GNA14: variants seen among roughly 807,000 people sequenced by gnomAD.
GNA14 encodes guanine nucleotide-binding protein subunit alpha-14.
GNA14 carries 50 observed loss-of-function variants against 42.0 expected under a neutral mutation model. The observed-to-expected ratio is 1.19, with a 90% CI of 0.95 to 1.51. The LOEUF is 1.51. GNA14 is among the 40% of genes most tolerant of loss of function. The probability of loss-of-function intolerance (pLI) is 0.00; values close to 1 mark genes in which losing one functional copy is unlikely to be tolerated. For synonymous variants in GNA14, 173 were observed against 163.1 expected (o/e 1.06, Z -0.46); for missense variants, 473 against 446.2 (o/e 1.06, Z -0.54).
At chr9:77,431,026 G>T (rs200353693) in intron 4 of GNA14, among the ~76,000 whole-genome samples, 7 of 46,856 alleles carry the variant, frequency 1.5e-4, no homozygotes, top group Non-Finnish European at 2.1e-4. Context: ...GTATACATTT[G>T]TGTGTGTGTG....
chr9:77,501,021 C>A (rs1156775305), intron 2 of GNA14, among the ~76,000 whole-genome samples: 2 of 151,996 alleles, frequency 1.3e-5, no homozygotes, highest in Non-Finnish European at 2.9e-5. Context: ...GTGGCACAAT[C>A]TTGGCTCACT....
chr9:77,552,098 C>A, intron 1 of GNA14, among the ~76,000 whole-genome samples: 1 of 141,086 alleles, frequency 7.1e-6, no homozygotes, highest in African/African-American at 2.6e-5. Flanking sequence ...CAAGATCAAG[C>A]CTTTGCAGCA....
intron 2 of GNA14, among the ~76,000 whole-genome samples, chr9:77,469,458 C>T (rs1391039329): frequency 6.6e-6 from 1 of 150,470 alleles, no homozygotes; most frequent in East Asian, 1.9e-4. Context: ...TTTGTGTCAC[C>T]CTAAAATTAA....
chr9:77,622,553 A>G (rs563537025), intron 1 of GNA14, among the ~76,000 whole-genome samples: 1 of 150,632 alleles, frequency 6.6e-6, no homozygotes, highest in South Asian at 2.1e-4. Context: ...CGGATCACAG[A>G]GTCAGGAGAT....
chr9:77,616,624 A>T (rs1823822009), intron 1 of GNA14, among the ~76,000 whole-genome samples: 3 of 152,356 alleles, frequency 2.0e-5, no homozygotes, highest in South Asian at 2.1e-4. Context: ...AACTTTGGAA[A>T]CAGCTCTTTC....
At chr9:77,554,838 G>A (rs930464720) in intron 1 of GNA14, among the ~76,000 whole-genome samples, 5 of 152,158 alleles carry the variant, frequency 3.3e-5, no homozygotes, top group African/African-American at 1.2e-4. Flanking sequence ...TCCTGTGCTA[G>A]AATTGCATGT....
At chr9:77,441,596 A>T in intron 2 of GNA14, among the ~76,000 whole-genome samples, 1 of 152,232 alleles carries the variant, frequency 6.6e-6, no homozygotes, top group East Asian at 1.9e-4. Context: ...TTAAGATAAA[A>T]TATATTATTA....
chr9:77,437,099 T>C (rs914258218), intron 2 of GNA14, among the ~76,000 whole-genome samples: 1 of 152,234 alleles, frequency 6.6e-6, no homozygotes, highest in Non-Finnish European at 1.5e-5. Context: ...TAAGTTTCAC[T>C]GTCAAAATCA....
intron 2 of GNA14, among the ~76,000 whole-genome samples, chr9:77,509,673 G>T (rs1837127759): frequency 1.3e-5 from 2 of 152,224 alleles, no homozygotes; most frequent in Admixed American, 1.3e-4. Flanking sequence ...AGGATGTGCA[G>T]AGAGTGGTGA....
At chr9:77,577,870 C>T (rs1440636220) in intron 1 of GNA14, among the ~76,000 whole-genome samples, 1 of 152,050 alleles carries the variant, frequency 6.6e-6, no homozygotes, top group Non-Finnish European at 1.5e-5. Context: ...CCTATCTCAC[C>T]ATTTAAGAGT....
intron 2 of GNA14, among the ~76,000 whole-genome samples, chr9:77,507,270 C>T (rs1026320376): frequency 1.3e-5 from 2 of 152,158 alleles, no homozygotes; most frequent in Non-Finnish European, 2.9e-5. Context: ...GAATCTCTTG[C>T]TTCAATATGC....
chr9:77,505,766 T>C (rs1837059234), intron 2 of GNA14, among the ~76,000 whole-genome samples: 2 of 152,222 alleles, frequency 1.3e-5, no homozygotes, highest in Non-Finnish European at 2.9e-5. Context: ...CTTATTTTTA[T>C]ATAAAGCTTT....
At chr9:77,499,358 T>A (rs1836927165) in intron 2 of GNA14, among the ~76,000 whole-genome samples, 1 of 150,930 alleles carries the variant, frequency 6.6e-6, no homozygotes, top group Admixed American at 6.6e-5. Flanking sequence ...TGTTGGTAAA[T>A]CTTTAGTACT....
In GNA14 at chr9:77,547,317, G is replaced by A. The variant is rs146413900; in HGVS notation, c.125-18064C>T. ...AATTATATCTCCAGTGACCTACTTA[G>A]GGGAAAAATATCTTTCCACCAAAAT... is the stretch of plus-strand genomic sequence containing the variant. On this transcript the variant is annotated intron_variant, in intron 1 of 6. Coordinates refer to ENST00000341700, the MANE Select transcript of GNA14 (RefSeq NM_004297.4). 4.6e-5 allele frequency among the ~76,000 whole-genome samples: 7 copies of A among 152,242 alleles called. No individual in the cohort carries two copies. In the East Asian group the frequency reaches 1.2e-3, roughly 25 times the overall value.
At chr9:77,620,780 G>A (rs1823907917) in intron 1 of GNA14, among the ~76,000 whole-genome samples, 3 of 149,886 alleles carry the variant, frequency 2.0e-5, no homozygotes, top group Admixed American at 2.0e-4. Context: ...CGCGCGAGGT[G>A]GAGGTTGCAG....
intron 1 of GNA14, among the ~76,000 whole-genome samples, chr9:77,537,160 ATATTGAG>A (rs1343140007): frequency 6.6e-6 from 1 of 152,178 alleles, no homozygotes; most frequent in East Asian, 1.9e-4. Flanking sequence ...TTGCTATCAA[ATATTGAG>A]CTTATTTCTT....
intron 1 of GNA14, among the ~76,000 whole-genome samples, chr9:77,616,764 T>C (rs1012696074): frequency 6.6e-6 from 1 of 152,200 alleles, no homozygotes; most frequent in Admixed American, 6.5e-5. Flanking sequence ...CCTGAGTCCA[T>C]GCCTTGATGA....
intron 1 of GNA14, among the ~76,000 whole-genome samples, chr9:77,562,772 A>AT (rs1822903251): frequency 6.6e-6 from 1 of 152,154 alleles, no homozygotes; most frequent in Non-Finnish European, 1.5e-5. Context: ...TATGTTTAAA[A>AT]TTTTGTTTTA....
chr9:77,563,036 G>C (rs1341078869), intron 1 of GNA14, among the ~76,000 whole-genome samples: 1 of 152,116 alleles, frequency 6.6e-6, no homozygotes, highest in African/African-American at 2.4e-5. Flanking sequence ...AGCAACTTTA[G>C]AGTCTGTATA....
Sources: gnomAD v4.1 joint callset for allele counts (sites outside exome capture counted in the v4.1 genomes callset) on GRCh38, gnomAD v4.1.1 for gene constraint, MANE v1.5 for transcripts, NCBI Gene and HGNC (gene_info 2026-07-23, HGNC 2026-07-21) for gene names.